Variants in KHSRP observed in about 807,000 individuals in gnomAD.
The protein encoded by KHSRP is KH-type splicing regulatory protein.
In KHSRP, 13 loss-of-function variants were observed where a neutral mutation model predicts 94.9. The ratio of observed to expected loss-of-function variants is 0.14; its 90% confidence interval spans 0.09 to 0.22. KHSRP has a LOEUF of 0.22. Among genes scored for constraint, KHSRP ranks in the 10% least tolerant of loss-of-function variants. KHSRP has a pLI of 1.00. For synonymous variants in KHSRP, 495 were observed against 401.4 expected (o/e 1.23, Z -2.79); for missense variants, 710 against 1,010.0 (o/e 0.70, Z 4.03).
At position 6,414,886 on chromosome 19, in the gene KHSRP, ATCAC is replaced by A. The variant is rs2092131304; in HGVS notation, c.*134_*137del. 3 of 1,358,922 alleles carry A rather than the reference ATCAC, an allele frequency of 2.2e-6. No individual in the cohort carries two copies. The South Asian group carries it at 5.4e-5, about 25-fold the overall frequency. 84.2% of individuals were successfully genotyped at this position (1,358,922 alleles called of 1,614,324 possible). ...CCTGCGAGTCTCAGCGCTCCCCAGC[ATCAC>A]GACAGCGGCACACAGGAACAAGCAG... On this transcript the variant is annotated 3_prime_UTR_variant, in exon 19 of 19. Transcript: ENST00000600480.
At chr19:6,420,575 G>A in intron 4 of KHSRP, 104 bp from the exon 5 acceptor site, 1 of 1,031,684 alleles carries the variant, frequency 9.7e-7, no homozygotes, top group East Asian at 2.5e-5. Context: ...TCTAAGCAGA[G>A]TCTGACCACA....
intron 1 of KHSRP, chr19:6,424,221 G>A (rs1030111607): frequency 1.3e-5 from 2 of 152,726 alleles, no homozygotes; most frequent in Non-Finnish European, 2.9e-5. Context: ...GCACACCCAG[G>A]CGCCGCTCCT....
rs978062704 is a variant in KHSRP, at chr19:6,424,644, C to T, written c.58G>A (p.Gly20Ser). The change falls in exon 1 of 19, where the codon GGC (glycine) becomes AGC (serine). Residue 20 changes from glycine to serine, a missense_variant. Coordinates refer to ENST00000600480, the MANE Select transcript of KHSRP (RefSeq NM_001366299.1). ...PPGPPPPAGG[G>S]GGAGGAGGGP... ...CCCCCGGCGCCTCCGGCTCCCCCGC[C>T]CCCGCCGGCGGGCGGCGGCGGCCCG... 7.9e-4 allele frequency: 795 copies of T among 1,008,818 alleles called. No homozygotes were observed. Among genetic ancestry groups the T allele is most frequent in the Non-Finnish European group, 8.7e-4 (733 of 846,378 alleles). The allele number at this position is 1,008,818 out of a possible 1,614,324, so 62.5% of individuals were successfully genotyped here.
rs2092112806 is a variant in KHSRP at position 6,413,271 on chromosome 19, TATA to T, written c.*1750_*1752del. 5.5e-6 allele frequency: 1 copy of T among 182,580 alleles called. No individual in the cohort carries two copies. 11.3% of individuals were successfully genotyped at this position (182,580 alleles called of 1,614,324 possible). On this transcript the variant is annotated 3_prime_UTR_variant, in exon 19 of 19. Transcript: ENST00000600480. ...ATTATCAGGCTTTTTAAACAACATC[TATA>T]AAGAACAAACATCCGCTTCAAAACT...
chr19:6,424,349 G>A (rs1459904660), intron 1 of KHSRP, 104 bp downstream of exon 1: 2 of 411,892 alleles, frequency 4.9e-6, no homozygotes, highest in Admixed American at 6.5e-5. Flanking sequence ...CGACGGCCCC[G>A]GCCCCCCTCC....
intron 6 of KHSRP, 53 bp downstream of exon 6, chr19:6,420,020 G>A (rs760252131): frequency 2.2e-6 from 3 of 1,376,346 alleles, no homozygotes; most frequent in Admixed American, 3.5e-5. Flanking sequence ...AAAGGAAAGT[G>A]CAAAGGGCCC....
chr19:6,413,154 G>GC lies in KHSRP; in HGVS notation c.*1869dup, dbSNP rs2092111547. ...TAACAAAAAAAAAAAAGGGGGGGGG[G>GC]CACGGTTAGGAAAGCACATTGAGCC... On this transcript the variant is annotated 3_prime_UTR_variant, in exon 19 of 19. Coordinates refer to ENST00000600480, the MANE Select transcript of KHSRP (RefSeq NM_001366299.1). Among the ~76,000 whole-genome samples the GC allele has an allele frequency of 7.6e-6, 1 of 130,848 alleles. No individual in the cohort carries two copies. Among genetic ancestry groups the GC allele is most frequent in the Non-Finnish European group, 1.6e-5 (1 of 60,996 alleles). 85.8% of individuals were successfully genotyped at this position (130,848 alleles called of 152,430 possible).
chr19:6,418,996 G>T lies in KHSRP; in HGVS notation c.606-120C>A. ...GAGTGTGCAAGGATGACAGGGAAGA[G>T]GGGCCAGTCACAGGGGCTGTTCAGG... On this transcript the variant is annotated intron_variant, in intron 7 of 18. Transcript: ENST00000600480. The surrounding 1 kb of genome is among the most constrained non-coding windows in gnomAD (Gnocchi z 4.3). 8.3e-7 allele frequency: 1 copy of T among 1,208,210 alleles called. No individual in the cohort carries two copies. Among genetic ancestry groups the T allele is most frequent in the South Asian group, 1.6e-5 (1 of 62,896 alleles). The allele number at this position is 1,208,210 out of a possible 1,614,324, so 74.8% of individuals were successfully genotyped here.
chr19:6,416,326 T>G lies in KHSRP; in HGVS notation c.1570A>C (p.Asn524His). The G allele has an allele frequency of 6.2e-7, 1 of 1,603,324 alleles. No homozygotes were observed. The highest frequency in any genetic ancestry group is 1.3e-5 in the African/African-American group (1 of 74,314). The change falls in exon 15 of 19, where the codon AAC becomes CAC. Residue 524 changes from asparagine (N) to histidine (H), a missense_variant. Asn to His is a moderately conservative substitution (Grantham distance 68, BLOSUM62 1). This residue lies in a region of KHSRP where 292 missense variants were observed against 340.5 expected (regional missense o/e 0.86). Transcript: ENST00000600480. Reference sequence around the variant, plus strand: ...GGGGGAGCCCCGGGTGGCCCCTGGTTGAAGGGCCCAGGATTGAAGGGCCCC... The same window carrying G: ...GGGGGAGCCCCGGGTGGCCCCTGGTGGAAGGGCCCAGGATTGAAGGGCCCC... ...PMGPFNPGPF[N>H]QGPPGAPPHA...
intron 3 of KHSRP, 160 bp from the exon 4 acceptor site, chr19:6,421,477 C>T: frequency 2.1e-6 from 2 of 974,286 alleles, no homozygotes; most frequent in Non-Finnish European, 3.1e-6. Flanking sequence ...AAGCACAGAG[C>T]TCATCTCCCT....
In KHSRP at chr19:6,415,399, C is replaced by T. The variant is rs1054493876; in HGVS notation, c.1947G>A (p.Glu649=). Residue 649 remains glutamate, a synonymous_variant, in exon 18 of 19, where the codon GAG becomes GAA. Transcript: ENST00000600480. ...ACTCACCTTGCTTCTTGTAGTACTC[C>T]TCCCAAGCCTTCGTGTAGTCCTGCT... ...PPQQDYTKAW[E]EYYKKQAQVA... 6.3e-7 allele frequency: 1 copy of T among 1,597,674 alleles called. No individual in the cohort carries two copies. The highest frequency in any genetic ancestry group is 1.1e-5 in the South Asian group (1 of 88,618).
intron 3 of KHSRP, 91 bp downstream of exon 3, chr19:6,421,559 G>T: frequency 7.1e-7 from 1 of 1,415,720 alleles, no homozygotes; most frequent in Non-Finnish European, 1.0e-6. Context: ...TCTGTAAAGA[G>T]CTGCCACCTC....
chr19:6,417,649 G>T, intron 11 of KHSRP, 90 bp downstream of exon 11: 2 of 1,070,880 alleles, frequency 1.9e-6, no homozygotes, highest in South Asian at 1.3e-5. Flanking sequence ...GAGGCCACCT[G>T]GCTGACCACG....
rs747093689 is a variant in KHSRP at position 6,422,292 on chromosome 19, A to C, written c.346+48T>G. On this transcript the variant is annotated intron_variant, in intron 2 of 18. Transcript: ENST00000600480. Reference sequence around the variant, plus strand: ...CACACTCAAACAAAAGCACCTCTTTAGGCCCCCAGCCCTTCCTCCTAAGCT... The same window carrying C: ...CACACTCAAACAAAAGCACCTCTTTCGGCCCCCAGCCCTTCCTCCTAAGCT... 6.4e-5 allele frequency: 84 copies of C among 1,305,988 alleles called. No individual in the cohort carries two copies. In the Middle Eastern group the frequency reaches 1.9e-3, roughly 29 times the overall value. 80.9% of individuals were successfully genotyped at this position (1,305,988 alleles called of 1,614,324 possible). A position where few individuals can be genotyped will look rare whatever the true frequency, so the allele number is the denominator to read the frequency against.
intron 6 of KHSRP, among the ~76,000 whole-genome samples, chr19:6,419,602 C>T (rs2092182619): frequency 6.6e-6 from 1 of 152,204 alleles, no homozygotes; most frequent in Non-Finnish European, 1.5e-5. Flanking sequence ...CTCAGAACCC[C>T]CTACCCAGCA....
rs772918982 is a variant in KHSRP, at chr19:6,419,185, G to C, written c.605+18C>G. 3 of 1,572,362 alleles carry C rather than the reference G, an allele frequency of 1.9e-6. No homozygotes were observed. In the African/African-American group the frequency reaches 4.1e-5, roughly 21 times the overall value. On this transcript the variant is annotated intron_variant, in intron 7 of 18. Coordinates refer to ENST00000600480, the MANE Select transcript of KHSRP (RefSeq NM_001366299.1). ...GCCTGCCCCCCACATCACAATGAGA[G>C]GCCCTGTGGGGACTTACTGGACAGA...
chr19:6,413,964 T>TG lies in KHSRP; in HGVS notation c.*1059_*1060insC. 2.3e-5 allele frequency: 18 copies of TG among 771,876 alleles called. No individual in the cohort carries two copies. Among genetic ancestry groups the TG allele is most frequent in the Non-Finnish European group, 3.2e-5 (17 of 523,396 alleles). 47.8% of individuals were successfully genotyped at this position (771,876 alleles called of 1,614,324 possible). On this transcript the variant is annotated 3_prime_UTR_variant, in exon 19 of 19. Coordinates refer to ENST00000600480, the MANE Select transcript of KHSRP (RefSeq NM_001366299.1). ...AGTGAGGGCCCGGCATGCCCCCAAG[T>TG]CCCCCCCACCCTGCTTGCCGCGAGG...
chr19:6,419,543 T>C (rs1456051109), intron 6 of KHSRP, among the ~76,000 whole-genome samples: 2 of 152,162 alleles, frequency 1.3e-5, no homozygotes, highest in African/African-American at 2.4e-5. Flanking sequence ...CTACCAATGA[T>C]GACCAGAGCC....
Position 6,424,762 on chromosome 19 carries a change from C to T in KHSRP, c.-61G>A, listed in dbSNP as rs1599248933. ...GCTGAGGAGGCGGCGGCGGCGGCGG[C>T]GGCTCAACGCGGGAACAAGGCCTCG... On this transcript the variant is annotated 5_prime_UTR_variant, in exon 1 of 19. Coordinates refer to ENST00000600480, the MANE Select transcript of KHSRP (RefSeq NM_001366299.1). 5.5e-6 allele frequency: 4 copies of T among 732,564 alleles called. No homozygotes were observed. Among genetic ancestry groups the T allele is most frequent in the Admixed American group, 1.2e-4 (2 of 16,782 alleles). 45.4% of individuals were successfully genotyped at this position (732,564 alleles called of 1,614,324 possible).
Sources: allele counts gnomAD v4.1 joint callset (sites outside exome capture counted in the v4.1 genomes callset), GRCh38; gene constraint gnomAD v4.1.1; regional missense constraint gnomAD v4.1.1; non-coding constraint Gnocchi (gnomAD v3.1); transcripts MANE v1.5; gene names NCBI Gene and HGNC (gene_info 2026-07-23, HGNC 2026-07-21).